The following RNF24 variants were observed in gnomAD, a reference collection of about 807,000 sequenced individuals.
RNF24 encodes the protein ring finger protein 24.
Under a neutral mutation model 20.0 loss-of-function variants are expected in RNF24, and 14 were observed. The observed-to-expected ratio is 0.70, with a 90% CI of 0.46 to 1.10. The LOEUF (loss-of-function observed/expected upper bound fraction) is 1.10. RNF24 is among the 50% of genes least tolerant of loss of function. The pLI is 0.00. For synonymous variants in RNF24, 45 were observed against 61.1 expected, an observed-to-expected ratio of 0.74 and a Z score of 1.23; for missense variants, 124 against 177.6, an observed-to-expected ratio of 0.70 and a Z score of 1.71.
chr20:4,008,376 A>AATATG (rs1555803315), intron 1 of RNF24, among the ~76,000 whole-genome samples: 32 of 35,618 alleles, frequency 9.0e-4, no homozygotes, highest in African/African-American at 2.4e-3. Flanking sequence ...TATATTATAT[A>AATATG]TATAATATAT....
chr20:3,961,128 G>A (rs972622637), intron 2 of RNF24, among the ~76,000 whole-genome samples: 2 of 152,186 alleles, frequency 1.3e-5, no homozygotes, highest in Admixed American at 1.3e-4. Flanking sequence ...AAGGCTGGGT[G>A]TGGTGGCTCA....
intron 1 of RNF24, among the ~76,000 whole-genome samples, chr20:4,001,079 C>A (rs1981347625): frequency 6.6e-6 from 1 of 152,060 alleles, no homozygotes; most frequent in Non-Finnish European, 1.5e-5. Flanking sequence ...CCAGCCTGGG[C>A]AACACAGTGA....
chr20:4,011,787 C>T (rs529164484), intron 1 of RNF24, among the ~76,000 whole-genome samples: 6 of 152,280 alleles, frequency 3.9e-5, no homozygotes, highest in African/African-American at 1.4e-4. Flanking sequence ...TCATATAAAT[C>T]CTGAATACCG....
At position 3,933,967 on chromosome 20, in the gene RNF24, T is replaced by C. The variant is rs1600614974; in HGVS notation, c.*96A>G. The C allele has an allele frequency of 2.5e-6, 3 of 1,198,518 alleles. No individual in the cohort carries two copies. Among genetic ancestry groups the C allele is most frequent in the Non-Finnish European group, 3.3e-6 (3 of 914,466 alleles). 74.2% of individuals were successfully genotyped at this position (1,198,518 alleles called of 1,614,324 possible). On this transcript the variant is annotated 3_prime_UTR_variant, in exon 6 of 6. Transcript: ENST00000358395. ...ATGAGGCAAAAGAAGTGGCAGCTGGTGTCCTAGGTAGAGAGCAGCCATACA... is the reference window on the plus strand; with the variant it reads ...ATGAGGCAAAAGAAGTGGCAGCTGGCGTCCTAGGTAGAGAGCAGCCATACA...
chr20:3,960,638 A>C (rs1427184814), intron 2 of RNF24, among the ~76,000 whole-genome samples: 1 of 152,148 alleles, frequency 6.6e-6, no homozygotes, highest in Non-Finnish European at 1.5e-5. Context: ...ACTGCACTCC[A>C]GCCTGGTGAC....
chr20:3,948,805 C>T (rs2091049347), intron 2 of RNF24, among the ~76,000 whole-genome samples: 1 of 152,120 alleles, frequency 6.6e-6, no homozygotes, highest in Non-Finnish European at 1.5e-5. Flanking sequence ...GTAAATGGAT[C>T]GTTTGGTATA....
intron 1 of RNF24, among the ~76,000 whole-genome samples, chr20:4,011,431 G>A (rs1451189412): frequency 6.6e-6 from 1 of 152,164 alleles, no homozygotes; most frequent in East Asian, 1.9e-4. Context: ...GGAAGGCAAA[G>A]GGAATTCCCA....
At chr20:4,006,789 G>C (rs1981907225) in intron 1 of RNF24, among the ~76,000 whole-genome samples, 1 of 152,338 alleles carries the variant, frequency 6.6e-6, no homozygotes, top group East Asian at 1.9e-4. Context: ...TAGGGCACAT[G>C]GAGGGCCCAG....
At chr20:3,940,425 A>AAC (rs1459221852) in intron 4 of RNF24, among the ~76,000 whole-genome samples, 1 of 151,952 alleles carries the variant, frequency 6.6e-6, no homozygotes. Flanking sequence ...TGAAAAAAAA[A>AAC]AAAACTCTCC....
intron 1 of RNF24, among the ~76,000 whole-genome samples, chr20:3,987,240 A>C (rs1327201791): frequency 1.3e-5 from 2 of 152,244 alleles, no homozygotes; most frequent in African/African-American, 2.4e-5. Flanking sequence ...CAAGTTATAA[A>C]GGAAGAAAAT....
chr20:3,976,889 A>T (rs1978911586), intron 1 of RNF24, among the ~76,000 whole-genome samples: 1 of 152,244 alleles, frequency 6.6e-6, no homozygotes, highest in South Asian at 2.1e-4. Context: ...TTATGATATT[A>T]TACTATAGTT....
chr20:3,946,549 GGTGGTGGT>G (rs1304838068), intron 3 of RNF24, among the ~76,000 whole-genome samples: 1 of 151,662 alleles, frequency 6.6e-6, no homozygotes, highest in Non-Finnish European at 1.5e-5. Flanking sequence ...ATTAGCCGGG[GGTGGTGGT>G]GTGCGCCTGT....
chr20:3,989,518 C>A (rs1248986545), intron 1 of RNF24, among the ~76,000 whole-genome samples: 1 of 151,986 alleles, frequency 6.6e-6, no homozygotes, highest in Non-Finnish European at 1.5e-5. Flanking sequence ...AAAGAAAAAC[C>A]TGTGCTGCTG....
At chr20:3,966,133 C>CAAAAAAAA (rs574975352) in intron 1 of RNF24, among the ~76,000 whole-genome samples, 6 of 81,468 alleles carry the variant, frequency 7.4e-5, no homozygotes, top group Admixed American at 1.6e-4. Context: ...GATTCCATCT[C>CAAAAAAAA]AAAAAAAAAA....
At chr20:3,935,573 CTT>C (rs2090880710) in intron 4 of RNF24, among the ~76,000 whole-genome samples, 1 of 152,256 alleles carries the variant, frequency 6.6e-6, no homozygotes, top group Non-Finnish European at 1.5e-5. Flanking sequence ...GGGCCTCCCA[CTT>C]TGGCACTGTC....
rs1222380760 is a variant in RNF24, at chr20:3,977,868, A to AG, written c.-7-13845_-7-13844insC. Among the ~76,000 whole-genome samples the AG allele has an allele frequency of 9.6e-3, 1,448 of 151,290 alleles. 14 individuals carry two copies. The highest frequency in any genetic ancestry group is 0.033 in the African/African-American group (1,364 of 41,224). On this transcript the variant is annotated intron_variant, in intron 1 of 5. Coordinates refer to ENST00000358395, the MANE Select transcript of RNF24 (RefSeq NM_001134337.3). ...GACACAGCGAGACTCCGTCTCAAAA[A>AG]AAAAAAAAAAAAAGGGCTCTAGCTT...
chr20:3,974,252 C>G (rs936677772), intron 1 of RNF24: 2 of 1,442,390 alleles, frequency 1.4e-6, no homozygotes, highest in African/African-American at 2.9e-5. Context: ...AAAAAACAAA[C>G]CGGCAAAAAC....
At chr20:3,940,015 A>G (rs1339887023) in intron 4 of RNF24, among the ~76,000 whole-genome samples, 2 of 152,080 alleles carry the variant, frequency 1.3e-5, no homozygotes, top group African/African-American at 4.8e-5. Flanking sequence ...CTGGAGTACA[A>G]TGGTGTGATC....
At chr20:3,943,650 A>C (rs560324872) in intron 4 of RNF24, among the ~76,000 whole-genome samples, 2 of 152,330 alleles carry the variant, frequency 1.3e-5, no homozygotes, top group African/African-American at 4.8e-5. Context: ...CTAGATACAA[A>C]TGACCAGCGA....
Sources: allele counts gnomAD v4.1 joint callset (sites outside exome capture counted in the v4.1 genomes callset), GRCh38; gene constraint gnomAD v4.1.1; transcripts MANE v1.5; gene names NCBI Gene and HGNC (gene_info 2026-07-23, HGNC 2026-07-21).